The following IRX2 variants were observed in gnomAD, a reference collection of about 807,000 sequenced individuals.
IRX2 encodes the protein iroquois homeobox 2, also known as iroquois-class homeodomain protein IRX-2.
A neutral mutation model predicts 42.9 loss-of-function variants in IRX2; 26 were observed. The ratio of observed to expected loss-of-function variants is 0.61; its 90% confidence interval spans 0.44 to 0.84. The LOEUF is 0.84. IRX2 is among the 40% of genes least tolerant of loss of function. The pLI is 0.00. For missense variants in IRX2, 782 were observed against 713.9 expected, an observed-to-expected ratio of 1.10 and a Z score of -1.09; for synonymous variants, 424 against 353.9, an observed-to-expected ratio of 1.20 and a Z score of -2.22.
In IRX2 at chr5:2,748,741, G is replaced by C; in HGVS notation, c.967C>G (p.Pro323Ala). Residue 323 changes from proline to alanine, a missense_variant, in exon 3 of 4, where the codon CCC becomes GCC. Coordinates refer to ENST00000302057, the MANE Select transcript of IRX2 (RefSeq NM_033267.5). Reference sequence around the variant, plus strand: ...GACCACAGCTTGGGCTTGCTGGCGGGGGGCGGCGCGCCCGGAGACGTCCGG... The same window carrying C: ...GACCACAGCTTGGGCTTGCTGGCGGCGGGCGGCGCGCCCGGAGACGTCCGG... ...GSRTSPGAPPPASKPKLWSLA... is the reference protein window; with the variant it reads ...GSRTSPGAPPAASKPKLWSLA... 1 of 1,365,748 alleles carries C rather than the reference G, an allele frequency of 7.3e-7. No homozygotes were observed. The highest frequency in any genetic ancestry group is 3.2e-5 in the East Asian group (1 of 31,320). The allele number at this position is 1,365,748 out of a possible 1,614,324, so 84.6% of individuals were successfully genotyped here.
At chr5:2,740,109 G>C in the IRX2 span, among the ~76,000 whole-genome samples, 1 of 152,112 alleles carries the variant, frequency 6.6e-6, no homozygotes, top group Admixed American at 6.5e-5. Context: ...CCAGGGCACC[G>C]GGTCGCAAAA....
At chr5:2,739,848 CG>C in the IRX2 span, among the ~76,000 whole-genome samples, 1 of 152,030 alleles carries the variant, frequency 6.6e-6, no homozygotes, top group Non-Finnish European at 1.5e-5. Context: ...GGCAAGAGGT[CG>C]GGGGAGGCCG....
Position 2,751,257 on chromosome 5 carries a change from C to A in IRX2, c.157G>T (p.Ala53Ser). Residue 53 changes from alanine (A) to serine (S), a missense_variant, in exon 1 of 4, where the codon GCC becomes TCC. Physicochemically the swap from Ala to Ser is moderately conservative, Grantham distance 99. Transcript: ENST00000302057. This position sits in a 1 kb window ranked among gnomAD's most constrained non-coding sequence, Gnocchi z 4.0. ...SAFSPYPGSA[A>S]FTAQAATGFG... ...CCGGTGGCCGCCTGCGCCGTGAAGG[C>A]CGCCGAGCCCGGGTAGGGGCTGAAC... 7.1e-7 allele frequency: 1 copy of A among 1,406,036 alleles called. No individual in the cohort carries two copies. Among genetic ancestry groups the A allele is most frequent in the Non-Finnish European group, 9.3e-7 (1 of 1,079,216 alleles). 87.1% of individuals were successfully genotyped at this position (1,406,036 alleles called of 1,614,324 possible).
chr5:2,751,179 A>C lies in IRX2; in HGVS notation c.235T>G (p.Phe79Val). The C allele has an allele frequency of 7.9e-7, 1 of 1,267,622 alleles. No homozygotes were observed. The highest frequency in any genetic ancestry group is 9.9e-7 in the Non-Finnish European group (1 of 1,008,540). 78.5% of individuals were successfully genotyped at this position (1,267,622 alleles called of 1,614,324 possible). A position where few individuals can be genotyped will look rare whatever the true frequency, so the allele number is the denominator to read the frequency against. ...SADAAAAAAGFPSYMGAPYDA... is the reference protein window; with the variant it reads ...SADAAAAAAGVPSYMGAPYDA... The stretch of plus-strand genomic sequence containing the variant: ...CGCCCGGTTACCATGTAGGACGGGA[A>C]GCCGGCGGCGGCGGCGGCGGCGTCG... Residue 79 changes from phenylalanine to valine, a missense_variant, in exon 1 of 4, where the codon TTC becomes GTC. By Grantham distance (50) the Phe-to-Val change is conservative (BLOSUM62 -1). Coordinates refer to ENST00000302057, the MANE Select transcript of IRX2 (RefSeq NM_033267.5). This position sits in a 1 kb window ranked among gnomAD's most constrained non-coding sequence, Gnocchi z 4.0.
At chr5:2,749,313 C>A in intron 2 of IRX2, 69 bp downstream of exon 2, 1 of 1,523,998 alleles carries the variant, frequency 6.6e-7, no homozygotes, top group South Asian at 1.3e-5. Context: ...ACGTCCTCCC[C>A]GCCTTAGCTC....
the IRX2 span, among the ~76,000 whole-genome samples, chr5:2,739,331 T>C: frequency 3.7e-4 from 52 of 141,208 alleles, 1 homozygote; most frequent in African/African-American, 1.3e-3. Flanking sequence ...GGGGCGGCGG[T>C]GCCGGGGGTA....
chr5:2,743,529 G>C (rs1048017431), downstream of IRX2, among the ~76,000 whole-genome samples: 1 of 125,414 alleles, frequency 8.0e-6, no homozygotes, highest in African/African-American at 3.4e-5. Context: ...CGCGGGCGCC[G>C]GGCCGCGGAG....
At chr5:2,741,084 C>T (rs1022322219), downstream of IRX2, among the ~76,000 whole-genome samples, 1 of 152,262 alleles carries the variant, frequency 6.6e-6, no homozygotes, top group African/African-American at 2.4e-5. Flanking sequence ...GAACACGCAG[C>T]GCCCTTCCCG....
downstream of IRX2, among the ~76,000 whole-genome samples, chr5:2,744,086 GTGTGTGT>G (rs1737606063): frequency 6.7e-6 from 1 of 148,182 alleles, no homozygotes; most frequent in Non-Finnish European, 1.5e-5. Context: ...GTGTGTGTGT[GTGTGTGT>G]GTGTGTGTGT....
At position 2,749,777 on chromosome 5, in the gene IRX2, T is replaced by C. The variant is rs1579629396; in HGVS notation, c.260A>G (p.Tyr87Cys). The C allele has an allele frequency of 3.1e-6, 5 of 1,605,656 alleles. No homozygotes were observed. The South Asian group carries it at 3.3e-5, about 11-fold the overall frequency. Residue 87 changes from tyrosine to cysteine, a missense_variant, in exon 2 of 4, where the codon TAC becomes TGC. By Grantham distance (194) the Tyr-to-Cys change is radical (BLOSUM62 -2). Coordinates refer to ENST00000302057, the MANE Select transcript of IRX2 (RefSeq NM_033267.5). ...AGFPSYMGAPYDAHTTGMTGA... is the reference protein window; with the variant it reads ...AGFPSYMGAPCDAHTTGMTGA... ...GGTCATGCCGGTGGTGTGCGCGTCG[T>C]AGGGTGCGCCCTGGAACCAACAAGA...
Position 2,746,689 on chromosome 5 carries a change from ATC to A in IRX2, c.*873_*874del, listed in dbSNP as rs939537457. 1.3e-4 allele frequency: 20 copies of A among 149,802 alleles called. No individual in the cohort carries two copies. Among genetic ancestry groups the A allele is most frequent in the Non-Finnish European group, 2.5e-4 (17 of 67,692 alleles). 9.3% of individuals were successfully genotyped at this position (149,802 alleles called of 1,614,324 possible). ...CACAAGATGTGGTCTGGATTTAGAC[ATC>A]TGTTTGTTGTATCTGTAAATTTATG... On this transcript the variant is annotated 3_prime_UTR_variant, in exon 4 of 4. Coordinates refer to ENST00000302057, the MANE Select transcript of IRX2 (RefSeq NM_033267.5).
At chr5:2,735,799 T>A in the IRX2 span, among the ~76,000 whole-genome samples, 6 of 152,346 alleles carry the variant, frequency 3.9e-5, no homozygotes, top group South Asian at 1.2e-3. Flanking sequence ...GGTGAACTGC[T>A]GATAAGATGC....
chr5:2,737,439 C>T, the IRX2 span: 4 of 152,202 alleles, frequency 2.6e-5, no homozygotes, highest in African/African-American at 9.7e-5. Context: ...CCTTCCTTGG[C>T]TTCATCTAAC....
Position 2,747,587 on chromosome 5 carries a change from C to G in IRX2, c.1393G>C (p.Gly465Arg). Residue 465 changes from glycine (G) to arginine (R), a missense_variant, in exon 4 of 4, where the codon GGG becomes CGG. By Grantham distance (125) the Gly-to-Arg change is moderately radical (BLOSUM62 -2). Around this residue, in one of 3 missense-constraint regions of IRX2, gnomAD observed 520 missense variants for 437.8 expected, o/e 1.19. Coordinates refer to ENST00000302057, the MANE Select transcript of IRX2 (RefSeq NM_033267.5). ...TTCTATAGGTAGGGCTGGACGCCCC[C>G]GCCAACCACGGTGCAGCCCTCGCTG... Reference protein sequence around the residue: ...DASEGCTVVGGGVQPYL With the variant: ...DASEGCTVVGRGVQPYL The G allele has an allele frequency of 6.2e-7, 1 of 1,614,046 alleles. No homozygotes were observed.
At position 2,751,412 on chromosome 5, in the gene IRX2, ATGG is replaced by A. The variant is rs918754347; in HGVS notation, c.-2_1del. 7.5e-7 allele frequency: 1 copy of A among 1,341,342 alleles called. No homozygotes were observed. Among genetic ancestry groups the A allele is most frequent in the Non-Finnish European group, 9.6e-7 (1 of 1,044,682 alleles). 83.1% of individuals were successfully genotyped at this position (1,341,342 alleles called of 1,614,324 possible). A position where few individuals can be genotyped will look rare whatever the true frequency, so the allele number is the denominator to read the frequency against. On this transcript the variant is annotated start_lost and start_retained_variant and 5_prime_UTR_variant, in exon 1 of 4. Transcript: ENST00000302057. The surrounding 1 kb of genome is among the most constrained non-coding windows in gnomAD (Gnocchi z 4.0). ...GTACAGGTAGCCCTGCGGGTAGGAC[ATGG>A]TGGGCGCGGGGCGCGGGGCCCGCGT... is the stretch of plus-strand genomic sequence containing the variant.
Position 2,748,335 on chromosome 5 carries a change from G to C in IRX2, c.1363+10C>G. The C allele has an allele frequency of 1.4e-6, 2 of 1,400,284 alleles. No homozygotes were observed. Among genetic ancestry groups the C allele is most frequent in the Non-Finnish European group, 1.8e-6 (2 of 1,088,300 alleles). The allele number at this position is 1,400,284 out of a possible 1,614,324, so 86.7% of individuals were successfully genotyped here. On this transcript the variant is annotated intron_variant, in intron 3 of 3. Coordinates refer to ENST00000302057, the MANE Select transcript of IRX2 (RefSeq NM_033267.5). ...CCCCTCCCGGGCGCCGCCGGCCGCGGGCCGCCTACCTTTCTTGGGCTCGTA... is the reference window on the plus strand; with the variant it reads ...CCCCTCCCGGGCGCCGCCGGCCGCGCGCCGCCTACCTTTCTTGGGCTCGTA...
chr5:2,737,723 A>G, the IRX2 span: 1 of 152,244 alleles, frequency 6.6e-6, no homozygotes, highest in African/African-American at 2.4e-5. Context: ...TACCCGTAGT[A>G]GTCATTACCT....
At chr5:2,738,856 G>A in the IRX2 span, among the ~76,000 whole-genome samples, 2 of 152,216 alleles carry the variant, frequency 1.3e-5, no homozygotes, top group Non-Finnish European at 2.9e-5. Flanking sequence ...AGGTCGCGGA[G>A]GGTGAAGCCA....
the IRX2 span, chr5:2,737,304 T>C: frequency 6.6e-6 from 1 of 152,180 alleles, no homozygotes; most frequent in East Asian, 1.9e-4. Flanking sequence ...GGCAGACGGA[T>C]CAGTCTGTTC....
Sources: allele counts gnomAD v4.1 joint callset (sites outside exome capture counted in the v4.1 genomes callset), GRCh38; gene constraint gnomAD v4.1.1; regional missense constraint gnomAD v4.1.1; non-coding constraint Gnocchi (gnomAD v3.1); transcripts MANE v1.5; gene names NCBI Gene and HGNC (gene_info 2026-07-23, HGNC 2026-07-21).